The following DOCK4 variants were observed in gnomAD, a reference collection of about 807,000 sequenced individuals.
DOCK4 encodes the protein dedicator of cytokinesis protein 4.
A neutral mutation model predicts 268.1 loss-of-function variants in DOCK4; 97 were observed. The ratio of observed to expected loss-of-function variants is 0.36; its 90% CI spans 0.31 to 0.43. DOCK4 has a LOEUF of 0.43. Ranked by LOEUF, DOCK4 falls within the 20% of genes least tolerant of loss-of-function variation. The pLI, the probability that DOCK4 is intolerant of heterozygous loss-of-function variation, is 1.00. For missense variants in DOCK4, 2,145 were observed against 2,455.7 expected (o/e 0.87, Z 2.67); for synonymous variants, 954 against 887.2 (o/e 1.08, Z -1.34).
At chr7:112,204,331 G>T (rs774681323) in intron 1 of DOCK4, among the ~76,000 whole-genome samples, 8 of 152,152 alleles carry the variant, frequency 5.3e-5, no homozygotes, top group Non-Finnish European at 8.8e-5. Flanking sequence ...CAACATCTGG[G>T]ATCGACTCCA....
chr7:112,001,229 G>A (rs896679136), intron 2 of DOCK4, among the ~76,000 whole-genome samples: 3 of 152,016 alleles, frequency 2.0e-5, no homozygotes, highest in African/African-American at 4.8e-5. Flanking sequence ...CACTTTCCAC[G>A]GTTTCAGTTA....
intron 1 of DOCK4, among the ~76,000 whole-genome samples, chr7:112,095,348 T>C (rs934073870): frequency 6.6e-6 from 1 of 152,184 alleles, no homozygotes; most frequent in South Asian, 2.1e-4. Flanking sequence ...TTAATTGCTA[T>C]AAGAAATATT....
chr7:111,937,287 T>G (rs1415453147), intron 11 of DOCK4, among the ~76,000 whole-genome samples: 1 of 152,228 alleles, frequency 6.6e-6, no homozygotes, highest in African/African-American at 2.4e-5. Flanking sequence ...TTTGACTAAA[T>G]TCACAGTTCC....
At chr7:112,171,277 T>C (rs1033836683) in intron 1 of DOCK4, among the ~76,000 whole-genome samples, 1 of 152,192 alleles carries the variant, frequency 6.6e-6, no homozygotes, top group African/African-American at 2.4e-5. Flanking sequence ...AAATAACTAA[T>C]GAATACAATT....
rs1342735610 is a variant in DOCK4 at position 111,728,298 on chromosome 7, C to T, written c.5904G>A (p.Leu1968=). The T allele has an allele frequency of 1.3e-6, 2 of 1,503,816 alleles. No individual in the cohort carries two copies. The highest frequency in any genetic ancestry group is 4.6e-5 in the East Asian group (2 of 43,270). The allele number at this position is 1,503,816 out of a possible 1,614,324, so 93.2% of individuals were successfully genotyped here. A position where few individuals can be genotyped will look rare whatever the true frequency, so the allele number is the denominator to read the frequency against. ...CTTATAACTGAGAGACCTTGCGGGG[C>T]AGGGGCCTGGGCCGCGGGCCGGGGT... is the stretch of plus-strand genomic sequence containing the variant. The part of the protein sequence containing the change: ...RTDPGPRPRP[L]PRKVSQL Residue 1968 remains leucine (L), a synonymous_variant, in exon 53 of 53, where the codon CTG becomes CTA. Coordinates refer to ENST00000428084, the MANE Select transcript of DOCK4 (RefSeq NM_001363540.2).
At chr7:112,029,208 C>T (rs758652296) in intron 1 of DOCK4, among the ~76,000 whole-genome samples, 2 of 152,270 alleles carry the variant, frequency 1.3e-5, no homozygotes, top group South Asian at 4.1e-4. Flanking sequence ...TGTGAATGTG[C>T]AAGTACAGAA....
At chr7:111,828,216 T>C (rs981018269) in intron 26 of DOCK4, among the ~76,000 whole-genome samples, 1 of 152,144 alleles carries the variant, frequency 6.6e-6, no homozygotes, top group Non-Finnish European at 1.5e-5. Flanking sequence ...AAAAAAACAA[T>C]ACAGAGTACC....
chr7:112,127,455 A>C (rs989114273), intron 1 of DOCK4, among the ~76,000 whole-genome samples: 2 of 149,130 alleles, frequency 1.3e-5, no homozygotes, highest in African/African-American at 4.9e-5. Flanking sequence ...GATATACCTA[A>C]TGCTAAATGA....
intron 13 of DOCK4, 53 bp from the exon 14 acceptor site, chr7:111,901,854 T>A (rs1791177635): frequency 5.9e-6 from 8 of 1,359,390 alleles, no homozygotes; most frequent in African/African-American, 1.5e-5. Context: ...GGAAATGTAA[T>A]AAAGTGCTCT....
At chr7:111,739,723 C>T (rs1795768832) in intron 47 of DOCK4, 3 of 498,834 alleles carry the variant, frequency 6.0e-6, no homozygotes, top group East Asian at 3.7e-5. Flanking sequence ...GACTTCGTAC[C>T]AGTTAGCAGT....
intron 1 of DOCK4, among the ~76,000 whole-genome samples, chr7:112,095,452 T>C (rs1403852497): frequency 6.6e-6 from 1 of 152,158 alleles, no homozygotes; most frequent in East Asian, 1.9e-4. Flanking sequence ...AGAAAGAATA[T>C]GTAACTAAGT....
At position 112,027,935 on chromosome 7, in the gene DOCK4, G is replaced by C. The variant is rs10274195; in HGVS notation, c.38-23804C>G. ...AAGGAGAGAGCCATGAAACCAAAGAGTTACCATTCCATTTGAGAAAGACAG... is the reference window on the plus strand; with the variant it reads ...AAGGAGAGAGCCATGAAACCAAAGACTTACCATTCCATTTGAGAAAGACAG... On this transcript the variant is annotated intron_variant, in intron 1 of 52. Coordinates refer to ENST00000428084, the MANE Select transcript of DOCK4 (RefSeq NM_001363540.2). Among the ~76,000 whole-genome samples, 822 of 152,298 alleles carry C rather than the reference G, an allele frequency of 5.4e-3. 9 individuals are homozygous for C. The highest frequency in any genetic ancestry group is 0.019 in the African/African-American group (774 of 41,566).
intron 10 of DOCK4, among the ~76,000 whole-genome samples, chr7:111,943,245 G>A (rs1350213980): frequency 6.6e-6 from 1 of 152,158 alleles, no homozygotes; most frequent in Non-Finnish European, 1.5e-5. Context: ...AATAAAAAGT[G>A]CAATTACAAA....
intron 1 of DOCK4, among the ~76,000 whole-genome samples, chr7:112,108,278 A>G (rs1377532332): frequency 6.6e-6 from 1 of 152,204 alleles, no homozygotes; most frequent in Non-Finnish European, 1.5e-5. Context: ...TTCTAAATTT[A>G]TATTCTTTAC....
intron 7 of DOCK4, among the ~76,000 whole-genome samples, chr7:111,980,133 T>C (rs148937059): frequency 8.5e-5 from 13 of 152,312 alleles, no homozygotes; most frequent in East Asian, 5.8e-4. Context: ...GTTCTTTGAA[T>C]ACATGCTAGT....
At chr7:111,922,005 CAT>C (rs1174288537) in intron 12 of DOCK4, among the ~76,000 whole-genome samples, 1 of 152,206 alleles carries the variant, frequency 6.6e-6, no homozygotes, top group African/African-American at 2.4e-5. Flanking sequence ...AATCCTCTAA[CAT>C]AGGAGACTTG....
intron 1 of DOCK4, among the ~76,000 whole-genome samples, chr7:112,090,680 C>T (rs78548089): frequency 0.058 from 8,831 of 152,152 alleles, 814 homozygotes; most frequent in African/African-American, 0.2. Context: ...AAGAAGCAAA[C>T]AACATATTTT....
chr7:111,923,484 G>C (rs1793329565), intron 12 of DOCK4, among the ~76,000 whole-genome samples: 2 of 151,930 alleles, frequency 1.3e-5, no homozygotes, highest in Admixed American at 6.6e-5. Flanking sequence ...TTTGTCTTTG[G>C]TGTTCTGCAG....
At chr7:111,899,512 A>C (rs1790952562) in intron 15 of DOCK4, among the ~76,000 whole-genome samples, 4 of 152,198 alleles carry the variant, frequency 2.6e-5, no homozygotes, top group African/African-American at 9.7e-5. Context: ...GGGGCTTGAG[A>C]GGGTGGTAAT....
Sources: allele counts gnomAD v4.1 joint callset (sites outside exome capture counted in the v4.1 genomes callset), GRCh38; gene constraint gnomAD v4.1.1; transcripts MANE v1.5; gene names NCBI Gene and HGNC (gene_info 2026-07-23, HGNC 2026-07-21).